The following ZNF274 variants were observed in gnomAD, a reference collection of about 807,000 sequenced individuals.
ZNF274 encodes the protein neurotrophin receptor-interacting factor homolog.
ZNF274 carries 23 observed loss-of-function variants against 42.5 expected under a neutral mutation model. The ratio of observed to expected loss-of-function variants is 0.54; its 90% CI spans 0.39 to 0.77. The LOEUF is 0.77. ZNF274 is among the 30% of genes least tolerant of loss of function. The probability of loss-of-function intolerance (pLI) is 0.00; values close to 1 mark genes in which losing one functional copy is unlikely to be tolerated. For missense variants in ZNF274, 679 were observed against 806.5 expected (o/e 0.84, Z 1.91); for synonymous variants, 292 against 305.4 (o/e 0.96, Z 0.46).
chr19:58,209,860 T>C, intron 5 of ZNF274, 101 bp from the exon 6 acceptor site: 1 of 696,034 alleles, frequency 1.4e-6, no homozygotes, highest in Non-Finnish European at 2.5e-6. Context: ...CACAGTACGA[T>C]GCAGGGGTGC....
In ZNF274 at chr19:58,212,528, A is replaced by G; in HGVS notation, c.1347A>G (p.Arg449=). 2 of 1,613,986 alleles carry G rather than the reference A, an allele frequency of 1.2e-6. No individual in the cohort carries two copies. Among genetic ancestry groups the G allele is most frequent in the South Asian group, 2.2e-5 (2 of 91,074 alleles). Residue 449 remains arginine, a synonymous_variant, in exon 8 of 8, where the codon CGA becomes CGG. Transcript: ENST00000617501. This position sits in a 1 kb window ranked among gnomAD's most constrained non-coding sequence, Gnocchi z 4.6. ...TCCACAAAATTCCTCCTAGAAAACG[A>G]TTGCGCAAACGTGACTCACAAGTTA... ...VLLHKIPPRK[R]LRKRDSQVKS... is the part of the protein sequence containing the mutation.
At position 58,211,323 on chromosome 19, in the gene ZNF274, G is replaced by T; in HGVS notation, c.853-237G>T. ...GTTAGGATGGAGTTGTTTGCTTGTTGCACTTGGAGCTCTTTATGAAGCAAG... is the reference window on the plus strand; with the variant it reads ...GTTAGGATGGAGTTGTTTGCTTGTTTCACTTGGAGCTCTTTATGAAGCAAG... On this transcript the variant is annotated intron_variant, in intron 6 of 7. Coordinates refer to ENST00000617501, the MANE Select transcript of ZNF274 (RefSeq NM_133502.3). The surrounding 1 kb of genome is among the most constrained non-coding windows in gnomAD (Gnocchi z 4.8). 4.0e-5 allele frequency: 16 copies of T among 398,444 alleles called. No individual in the cohort carries two copies. Among genetic ancestry groups the T allele is most frequent in the Non-Finnish European group, 4.9e-5 (11 of 224,850 alleles). 24.7% of individuals were successfully genotyped at this position (398,444 alleles called of 1,614,324 possible). A position where few individuals can be genotyped will look rare whatever the true frequency, so the allele number is the denominator to read the frequency against.
At chr19:58,188,184 C>T (rs1160856549) in intron 4 of ZNF274, among the ~76,000 whole-genome samples, 1 of 152,106 alleles carries the variant, frequency 6.6e-6, no homozygotes, top group African/African-American at 2.4e-5. Flanking sequence ...ACTACAAGAT[C>T]AGCCAATGTT....
chr19:58,199,771 A>G (rs1034398721), intron 4 of ZNF274, among the ~76,000 whole-genome samples: 3 of 152,270 alleles, frequency 2.0e-5, no homozygotes, highest in Non-Finnish European at 4.4e-5. Flanking sequence ...ATGGATATAC[A>G]AAATACATTA....
intron 6 of ZNF274, 157 bp downstream of exon 6, chr19:58,210,230 G>A: frequency 1.8e-6 from 1 of 564,812 alleles, no homozygotes; most frequent in South Asian, 2.1e-5. Context: ...AGCAATCTGA[G>A]TATGAAGAGC....
intron 4 of ZNF274, among the ~76,000 whole-genome samples, chr19:58,194,635 C>T (rs1327713791): frequency 6.6e-6 from 1 of 151,986 alleles, no homozygotes; most frequent in African/African-American, 2.4e-5. Context: ...CCCACCTGGG[C>T]CTCCCAAAGT....
intron 6 of ZNF274, chr19:58,210,381 T>C (rs1229864352): frequency 8.1e-6 from 2 of 247,344 alleles, no homozygotes; most frequent in Non-Finnish European, 1.6e-5. Context: ...GGCACATCTG[T>C]ATCCAGGTCA....
intron 4 of ZNF274, among the ~76,000 whole-genome samples, chr19:58,193,470 T>TG (rs1491531309): frequency 1.6e-5 from 1 of 64,256 alleles, no homozygotes; most frequent in African/African-American, 6.8e-5. Flanking sequence ...TTTTTTTTTT[T>TG]GGAGAGTCTC....
Position 58,183,927 on chromosome 19 carries a change from GCC to G in ZNF274, c.-37_-36del. 1 of 1,579,196 alleles carries G rather than the reference GCC, an allele frequency of 6.3e-7. No individual in the cohort carries two copies. The highest frequency in any genetic ancestry group is 8.6e-7 in the Non-Finnish European group (1 of 1,162,192). Reference sequence around the variant, plus strand: ...CCAACTTCGGTTTCCTCAGGACTCTGCCCACTTCCACCAGAGACACATTGAGA... The same window carrying G: ...CCAACTTCGGTTTCCTCAGGACTCTGCACTTCCACCAGAGACACATTGAGA... On this transcript the variant is annotated 5_prime_UTR_variant, in exon 2 of 8. Coordinates refer to ENST00000617501, the MANE Select transcript of ZNF274 (RefSeq NM_133502.3).
In ZNF274 at chr19:58,211,601, G is replaced by A; in HGVS notation, c.894G>A (p.Arg298=). ...TFQDVAVDFS[R]EEWGLLGPTQ... is the part of the protein sequence containing the mutation. ...AGGATGTGGCTGTGGACTTCAGCCG[G>A]GAGGAGTGGGGGCTGCTGGGCCCGA... Residue 298 remains arginine (R), a synonymous_variant, in exon 7 of 8, where the codon CGG becomes CGA. Coordinates refer to ENST00000617501, the MANE Select transcript of ZNF274 (RefSeq NM_133502.3). This position sits in a 1 kb window ranked among gnomAD's most constrained non-coding sequence, Gnocchi z 4.8. The A allele has an allele frequency of 6.2e-7, 1 of 1,613,804 alleles. No homozygotes were observed. The highest frequency in any genetic ancestry group is 1.1e-5 in the South Asian group (1 of 91,052).
intron 4 of ZNF274, among the ~76,000 whole-genome samples, chr19:58,188,580 T>C (rs945005184): frequency 2.1e-5 from 3 of 140,806 alleles, no homozygotes; most frequent in Non-Finnish European, 4.5e-5. Context: ...ATCATGCCAC[T>C]GCGTGACAGA....
intron 4 of ZNF274, among the ~76,000 whole-genome samples, chr19:58,195,446 G>A (rs2052464326): frequency 6.6e-6 from 1 of 152,186 alleles, no homozygotes; most frequent in South Asian, 2.1e-4. Context: ...AAACATCCGT[G>A]TGGAAGTCAT....
At chr19:58,184,065 G>A in intron 2 of ZNF274, 67 bp downstream of exon 2, 1 of 1,507,760 alleles carries the variant, frequency 6.6e-7, no homozygotes, top group Non-Finnish European at 9.0e-7. Context: ...ATGGTGGTGA[G>A]ATACCACCTT....
intron 5 of ZNF274, chr19:58,209,729 C>T: frequency 2.3e-6 from 1 of 425,906 alleles, no homozygotes; most frequent in Non-Finnish European, 4.3e-6. Flanking sequence ...GACACTGGTG[C>T]CCTGTGACCC....
chr19:58,209,788 C>T (rs981010476), intron 5 of ZNF274, 173 bp from the exon 6 acceptor site: 34 of 549,272 alleles, frequency 6.2e-5, no homozygotes, highest in Middle Eastern at 4.8e-4. Context: ...CACTCGGGCA[C>T]GTGCTGTGAG....
At chr19:58,194,485 TCTC>T (rs746303140) in intron 4 of ZNF274, among the ~76,000 whole-genome samples, 4 of 142,516 alleles carry the variant, frequency 2.8e-5, no homozygotes, top group Non-Finnish European at 6.0e-5. Context: ...TTCAGGCAAT[TCTC>T]CTGCCTCAGC....
chr19:58,192,201 G>A (rs575199596), intron 4 of ZNF274, among the ~76,000 whole-genome samples: 152 of 152,284 alleles, frequency 1.0e-3, no homozygotes, highest in African/African-American at 3.4e-3. Context: ...GGGCCACTTC[G>A]AGCCTAGTGG....
intron 4 of ZNF274, among the ~76,000 whole-genome samples, chr19:58,203,973 AGATC>A (rs1190667186): frequency 1.3e-5 from 2 of 152,238 alleles, no homozygotes; most frequent in African/African-American, 4.8e-5. Flanking sequence ...GGCTCTGGGC[AGATC>A]CCAGCGCGGA....
intron 4 of ZNF274, among the ~76,000 whole-genome samples, chr19:58,194,719 T>C (rs575017832): frequency 5.3e-5 from 8 of 151,716 alleles, no homozygotes; most frequent in South Asian, 2.1e-4. Context: ...TTTTAATCTT[T>C]TTCTTCGGCC....
Sources: allele counts gnomAD v4.1 joint callset (sites outside exome capture counted in the v4.1 genomes callset), GRCh38; gene constraint gnomAD v4.1.1; non-coding constraint Gnocchi (gnomAD v3.1); transcripts MANE v1.5; gene names NCBI Gene and HGNC (gene_info 2026-07-23, HGNC 2026-07-21).